NRG1: variants seen among roughly 807,000 people sequenced by gnomAD.
NRG1 encodes the protein neuregulin 1.
NRG1 carries 18 observed loss-of-function variants against 63.8 expected under a neutral mutation model. The observed-to-expected ratio is 0.28, with a 90% CI of 0.19 to 0.42. The LOEUF (loss-of-function observed/expected upper bound fraction) is 0.42, where lower values mean the gene tolerates loss of function less well. Ranked by LOEUF, NRG1 falls within the 10% of genes least tolerant of loss-of-function variation. NRG1 has a pLI of 1.00. For missense variants in NRG1, 762 were observed against 814.7 expected, an observed-to-expected ratio of 0.94 and a Z score of 0.79; for synonymous variants, 302 against 301.3, an observed-to-expected ratio of 1.00 and a Z score of -0.02.
chr8:32,763,422 C>A, intron 11 of NRG1: 1 of 1,547,250 alleles, frequency 6.5e-7, no homozygotes, highest in Non-Finnish European at 8.8e-7. Flanking sequence ...CTTATATAAG[C>A]TGAGAGGTTT....
intron 5 of NRG1, among the ~76,000 whole-genome samples, chr8:32,725,464 A>ATTTTTTTTTTTTTTTTTTTTTTTTT (rs71209904): frequency 3.0e-5 from 2 of 67,540 alleles, no homozygotes; most frequent in African/African-American, 1.1e-4. Context: ...AAACTTCCTA[A>ATTTTTTTTTTTTTTTTTTTTTTTTT]TTTTTTTTTT....
chr8:32,713,297 TGTG>T (rs1818268524), intron 5 of NRG1, among the ~76,000 whole-genome samples: 1 of 152,110 alleles, frequency 6.6e-6, no homozygotes, highest in Non-Finnish European at 1.5e-5. Flanking sequence ...ACCCAAGAAA[TGTG>T]GTGCATTCAA....
chr8:32,087,627 C>CCAT (rs1828450801), intron 1 of NRG1, among the ~76,000 whole-genome samples: 1 of 151,582 alleles, frequency 6.6e-6, no homozygotes, highest in South Asian at 2.1e-4. Context: ...CGTGTGCCCA[C>CCAT]GCCCAGCTAA....
chr8:32,266,832 G>T (rs1353090689), intron 1 of NRG1, among the ~76,000 whole-genome samples: 1 of 140,574 alleles, frequency 7.1e-6, no homozygotes, highest in East Asian at 2.1e-4. Flanking sequence ...TCAGGAGATC[G>T]AAATCATCCT....
chr8:31,798,516 A>G (rs1013797391), intron 1 of NRG1, among the ~76,000 whole-genome samples: 6 of 152,186 alleles, frequency 3.9e-5, no homozygotes, highest in Admixed American at 2.0e-4. Context: ...TGTTAAATGA[A>G]CAGAGAATCT....
intron 1 of NRG1, among the ~76,000 whole-genome samples, chr8:31,647,143 T>C (rs1156261491): frequency 6.6e-6 from 1 of 152,244 alleles, no homozygotes; most frequent in East Asian, 1.9e-4. Context: ...AAATTTTGTG[T>C]TCTCCTTGGA....
At chr8:31,793,806 A>T (rs1336738701) in intron 1 of NRG1, among the ~76,000 whole-genome samples, 7 of 152,106 alleles carry the variant, frequency 4.6e-5, no homozygotes, top group Non-Finnish European at 1.0e-4. Context: ...TATCCTTATC[A>T]CCATTTGTCA....
intron 1 of NRG1, among the ~76,000 whole-genome samples, chr8:31,858,721 T>C (rs1254889146): frequency 6.6e-6 from 1 of 152,144 alleles, no homozygotes; most frequent in Non-Finnish European, 1.5e-5. Flanking sequence ...AGCAAATCAG[T>C]GCGATGTAGT....
intron 1 of NRG1, among the ~76,000 whole-genome samples, chr8:32,195,438 CAA>C (rs34604354): frequency 7.3e-5 from 10 of 137,636 alleles, no homozygotes; most frequent in Admixed American, 1.5e-4. Context: ...GACCCTGTCT[CAA>C]AAAAAAAAAA....
At chr8:31,764,207 G>A (rs1342943321) in intron 1 of NRG1, among the ~76,000 whole-genome samples, 1 of 152,006 alleles carries the variant, frequency 6.6e-6, no homozygotes, top group East Asian at 1.9e-4. Flanking sequence ...AGATTGACAT[G>A]CAGTTGCAAG....
intron 1 of NRG1, among the ~76,000 whole-genome samples, chr8:32,260,193 T>G (rs1242219298): frequency 6.6e-6 from 1 of 152,186 alleles, no homozygotes; most frequent in Admixed American, 6.5e-5. Context: ...ATGCTGGTTT[T>G]AGTAGGAAAG....
intron 1 of NRG1, among the ~76,000 whole-genome samples, chr8:32,337,705 A>G (rs1803496916): frequency 9.7e-6 from 1 of 102,802 alleles, no homozygotes; most frequent in South Asian, 3.8e-4. Context: ...AGGAAAGGGA[A>G]GCCTGAGCTA....
At chr8:31,961,354 T>G (rs1409096739) in intron 1 of NRG1, among the ~76,000 whole-genome samples, 1 of 152,186 alleles carries the variant, frequency 6.6e-6, no homozygotes, top group African/African-American at 2.4e-5. Flanking sequence ...TTCTGGCAAT[T>G]TAACCCTCAG....
chr8:31,875,415 T>C (rs1353635768), intron 1 of NRG1, among the ~76,000 whole-genome samples: 1 of 152,210 alleles, frequency 6.6e-6, no homozygotes, highest in Admixed American at 6.5e-5. Context: ...TTATAATGAA[T>C]TTCCTTTAGA....
intron 1 of NRG1, among the ~76,000 whole-genome samples, chr8:32,130,833 T>A (rs1245267153): frequency 6.6e-6 from 1 of 151,984 alleles, no homozygotes; most frequent in East Asian, 1.9e-4. Context: ...CTTTTAGCTT[T>A]AGGAGTGCAG....
At chr8:31,793,061 A>T (rs1353067914) in intron 1 of NRG1, among the ~76,000 whole-genome samples, 1 of 152,254 alleles carries the variant, frequency 6.6e-6, no homozygotes, top group Non-Finnish European at 1.5e-5. Flanking sequence ...TGAATTAGAA[A>T]AGCATGTGTA....
At chr8:32,318,888 T>A (rs1212238228) in intron 1 of NRG1, among the ~76,000 whole-genome samples, 1 of 152,128 alleles carries the variant, frequency 6.6e-6, no homozygotes, top group Non-Finnish European at 1.5e-5. Context: ...CCGATTTTGC[T>A]ATTTTGTGTG....
chr8:31,824,359 A>G (rs1824327672), intron 1 of NRG1, among the ~76,000 whole-genome samples: 1 of 152,048 alleles, frequency 6.6e-6, no homozygotes, highest in Admixed American at 6.5e-5. Context: ...TGAACTCATC[A>G]TTTTTTATGG....
chr8:31,688,318 T>C (rs961168938), intron 1 of NRG1, among the ~76,000 whole-genome samples: 1 of 152,134 alleles, frequency 6.6e-6, no homozygotes, highest in Non-Finnish European at 1.5e-5. Context: ...TGCCCTTATA[T>C]AAAAGGGCCA....
Sources: allele counts gnomAD v4.1 joint callset (sites outside exome capture counted in the v4.1 genomes callset), GRCh38; gene constraint gnomAD v4.1.1; transcripts MANE v1.5; gene names NCBI Gene and HGNC (gene_info 2026-07-23, HGNC 2026-07-21).